The following ITGB1 variants were observed in gnomAD, a reference collection of about 807,000 sequenced individuals.
The protein encoded by ITGB1 is integrin beta-1.
A neutral mutation model predicts 86.5 loss-of-function variants in ITGB1; 24 were observed. The ratio of observed to expected loss-of-function variants is 0.28; its 90% CI spans 0.20 to 0.39. The LOEUF (loss-of-function observed/expected upper bound fraction) is 0.39. Ranked by LOEUF, ITGB1 falls within the 10% of genes least tolerant of loss-of-function variation. The probability of loss-of-function intolerance (pLI) is 1.00; values close to 1 mark genes in which losing one functional copy is unlikely to be tolerated. For synonymous variants in ITGB1, 323 were observed against 316.8 expected (o/e 1.02, Z -0.21); for missense variants, 556 against 946.9 (o/e 0.59, Z 5.42).
rs534915991 is a variant in ITGB1 at position 32,921,769 on chromosome 10, T to A, written c.1128+488A>T. Among the ~76,000 whole-genome samples the A allele has an allele frequency of 1.9e-3, 282 of 152,318 alleles. 1 individual carries two copies. The highest frequency in any genetic ancestry group is 0.014 in the Middle Eastern group (4 of 294). ...CAAATCACATGTATATTTACATTTT[T>A]ATATATTTTATGGTATACGTATATA... On this transcript the variant is annotated intron_variant, in intron 9 of 15. Transcript: ENST00000302278.
At chr10:32,952,417 A>T (rs183787090) in intron 1 of ITGB1, among the ~76,000 whole-genome samples, 92 of 151,036 alleles carry the variant, frequency 6.1e-4, no homozygotes, top group African/African-American at 2.0e-3. Flanking sequence ...ATAACATTAT[A>T]CTACCAAATG....
intron 15 of ITGB1, chr10:32,907,194 C>CT (rs777613803): frequency 3.7e-5 from 29 of 775,702 alleles, no homozygotes; most frequent in Non-Finnish European, 5.6e-5. Context: ...AAAAAAATCC[C>CT]TTTATAGTGT....
At chr10:32,944,898 G>C in intron 1 of ITGB1, 4 of 1,343,426 alleles carry the variant, frequency 3.0e-6, no homozygotes, top group African/African-American at 1.4e-5. Context: ...GTTATCAAAA[G>C]ACTAAAGGCT....
chr10:32,953,009 G>GAT (rs2095045535), intron 1 of ITGB1, among the ~76,000 whole-genome samples: 1 of 152,066 alleles, frequency 6.6e-6, no homozygotes. Context: ...ATATCCTTCT[G>GAT]ATATATATGA....
At chr10:32,911,764 T>C (rs1450984874) in intron 12 of ITGB1, 94 bp from the exon 13 acceptor site, 1 of 1,458,034 alleles carries the variant, frequency 6.9e-7, no homozygotes. Context: ...TGAGAAAGTA[T>C]ACCTAGGGGC....
At chr10:32,936,420 C>G (rs2095001932) in intron 1 of ITGB1, among the ~76,000 whole-genome samples, 1 of 151,698 alleles carries the variant, frequency 6.6e-6, no homozygotes, top group Non-Finnish European at 1.5e-5. Flanking sequence ...GAGCAGGACT[C>G]CATCTCAAAA....
At chr10:32,926,201 C>A in intron 5 of ITGB1, 92 bp from the exon 6 acceptor site, 1 of 968,676 alleles carries the variant, frequency 1.0e-6, no homozygotes, top group Admixed American at 2.0e-5. Flanking sequence ...ATCTATGTTA[C>A]CAAATGTAGG....
intron 1 of ITGB1, among the ~76,000 whole-genome samples, chr10:32,939,727 AG>A (rs2095013455): frequency 1.1e-3 from 1 of 918 alleles, no homozygotes; most frequent in East Asian, 0.1. Flanking sequence ...TGGGTAAGTG[AG>A]TGAGTGAGTG....
intron 2 of ITGB1, among the ~76,000 whole-genome samples, chr10:32,932,880 C>T (rs1430429925): frequency 6.7e-6 from 1 of 150,118 alleles, no homozygotes; most frequent in Non-Finnish European, 1.5e-5. Context: ...GGTATTCATC[C>T]CCTCAGGCCT....
At chr10:32,926,693 C>T (rs1488621420) in intron 5 of ITGB1, among the ~76,000 whole-genome samples, 1 of 152,172 alleles carries the variant, frequency 6.6e-6, no homozygotes, top group Non-Finnish European at 1.5e-5. Context: ...ACCAATTAAA[C>T]CTCTTTTCTT....
At chr10:32,920,606 G>A (rs2094946375) in intron 9 of ITGB1, among the ~76,000 whole-genome samples, 1 of 152,114 alleles carries the variant, frequency 6.6e-6, no homozygotes, top group Non-Finnish European at 1.5e-5. Context: ...GAGTATTCCT[G>A]TTTTAATCAC....
chr10:32,930,271 T>C (rs2094979063), intron 3 of ITGB1, among the ~76,000 whole-genome samples: 1 of 152,172 alleles, frequency 6.6e-6, no homozygotes, highest in Non-Finnish European at 1.5e-5. Context: ...CTGACCCAAG[T>C]GTACACAGTA....
At chr10:32,926,602 C>T (rs950552403) in intron 5 of ITGB1, among the ~76,000 whole-genome samples, 6 of 152,154 alleles carry the variant, frequency 3.9e-5, no homozygotes, top group Non-Finnish European at 5.9e-5. Flanking sequence ...CCTTCTGCCA[C>T]GATTGGAAGC....
chr10:32,918,347 AAAG>A (rs144210114), intron 11 of ITGB1, among the ~76,000 whole-genome samples: 9,650 of 151,640 alleles, frequency 0.064, 502 homozygotes, highest in South Asian at 0.25. Context: ...GTATAATAAA[AAAG>A]AAGAAGAATC....
chr10:32,905,141 G>A (rs1222942572), intron 15 of ITGB1, among the ~76,000 whole-genome samples: 3 of 151,516 alleles, frequency 2.0e-5, no homozygotes, highest in Admixed American at 1.3e-4. Flanking sequence ...AAAATATATT[G>A]TCTCAGACTA....
chr10:32,943,525 A>C (rs2095024012), intron 1 of ITGB1, among the ~76,000 whole-genome samples: 1 of 152,156 alleles, frequency 6.6e-6, no homozygotes, highest in African/African-American at 2.4e-5. Context: ...CCAAAAAGTT[A>C]ACAAGAGGAA....
At chr10:32,950,291 A>G (rs1044283751) in intron 1 of ITGB1, among the ~76,000 whole-genome samples, 2 of 152,128 alleles carry the variant, frequency 1.3e-5, no homozygotes, top group Non-Finnish European at 2.9e-5. Context: ...CTTATCCCAC[A>G]TAGAGAGTAA....
intron 5 of ITGB1, among the ~76,000 whole-genome samples, chr10:32,927,645 T>C (rs2094969351): frequency 6.6e-6 from 1 of 151,900 alleles, no homozygotes; most frequent in Non-Finnish European, 1.5e-5. Context: ...ATACAAAAAA[T>C]TAGTTGGGGG....
intron 1 of ITGB1, among the ~76,000 whole-genome samples, chr10:32,949,807 TTTA>T (rs1325432821): frequency 6.6e-6 from 1 of 152,216 alleles, no homozygotes; most frequent in Admixed American, 6.5e-5. Context: ...ACACTCATTA[TTTA>T]TTAATTTTTT....
Sources: allele counts gnomAD v4.1 joint callset (sites outside exome capture counted in the v4.1 genomes callset), GRCh38; gene constraint gnomAD v4.1.1; transcripts MANE v1.5; gene names NCBI Gene and HGNC (gene_info 2026-07-23, HGNC 2026-07-21).